The following ICA1 variants were observed in gnomAD, a reference collection of about 807,000 sequenced individuals.
ICA1 encodes islet cell autoantigen 1.
Under a neutral mutation model 71.0 loss-of-function variants are expected in ICA1, and 40 were observed. That is an observed-to-expected ratio of 0.56 (90% CI 0.44 to 0.73). The LOEUF (loss-of-function observed/expected upper bound fraction) is 0.73. Ranked by LOEUF, ICA1 falls within the 30% of genes least tolerant of loss-of-function variation. The pLI is 0.00. For synonymous variants in ICA1, 207 were observed against 209.5 expected (o/e 0.99, Z 0.10); for missense variants, 578 against 576.5 (o/e 1.00, Z -0.03).
At chr7:8,186,120 A>G (rs1168984137) in intron 6 of ICA1, among the ~76,000 whole-genome samples, 1 of 152,226 alleles carries the variant, frequency 6.6e-6, no homozygotes, top group African/African-American at 2.4e-5. Flanking sequence ...AAAAAGGGGA[A>G]GCTTGTGGAT....
rs115018496 is a variant in ICA1, at chr7:8,258,217, C to T, written c.-80+3877G>A. ...CCCTCTTTTACTCAGCTGTACGCTCCTCCAGAGCATGGTGGGGTCTGAGTC... is the reference window on the plus strand; with the variant it reads ...CCCTCTTTTACTCAGCTGTACGCTCTTCCAGAGCATGGTGGGGTCTGAGTC... On this transcript the variant is annotated intron_variant, in intron 1 of 13. Coordinates refer to ENST00000402384, the MANE Select transcript of ICA1 (RefSeq NM_001136020.3). Among the ~76,000 whole-genome samples, 884 of 152,304 alleles carry T rather than the reference C, an allele frequency of 5.8e-3. 10 individuals are homozygous for T. The highest frequency in any genetic ancestry group is 0.02 in the African/African-American group (835 of 41,558).
intron 6 of ICA1, among the ~76,000 whole-genome samples, chr7:8,162,222 A>G (rs1804127439): frequency 6.6e-6 from 1 of 152,188 alleles, no homozygotes; most frequent in Non-Finnish European, 1.5e-5. Context: ...ATGTACCCTA[A>G]TTTCATTTTG....
chr7:8,117,809 GC>G (rs1436035410), intron 13 of ICA1, among the ~76,000 whole-genome samples: 4 of 152,176 alleles, frequency 2.6e-5, no homozygotes, highest in Non-Finnish European at 5.9e-5. Flanking sequence ...GAGCAAGAAT[GC>G]CACTCAGTAT....
At chr7:8,157,280 A>G (rs559510368) in intron 7 of ICA1, 66 bp from the exon 8 acceptor site, 1 of 1,394,838 alleles carries the variant, frequency 7.2e-7, no homozygotes, top group Non-Finnish European at 9.8e-7. Context: ...GTCCCCAGGG[A>G]AGTATGACTC....
In ICA1 at chr7:8,127,381, A is replaced by G. The variant is rs188642726; in HGVS notation, c.1330+492T>C. On this transcript the variant is annotated intron_variant, in intron 13 of 13. Coordinates refer to ENST00000402384, the MANE Select transcript of ICA1 (RefSeq NM_001136020.3). ...GCCCTGTGTTTCGGGCAGAACCAGA[A>G]GAGTGGATCTAGTGGGGGGTCCTCA... Among the ~76,000 whole-genome samples, 165 of 152,254 alleles carry G rather than the reference A, an allele frequency of 1.1e-3. 1 individual carries two copies. Among genetic ancestry groups the G allele is most frequent in the Non-Finnish European group, 1.8e-3 (121 of 68,018 alleles).
Position 8,234,488 on chromosome 7 carries a change from GA to G in ICA1, c.17+1421del. ...ACCCAAAATGTGCCAGGCTTGTGCT[GA>G]AACGTGAGTTTGTTTATATGACTAT... On this transcript the variant is annotated intron_variant, in intron 2 of 13. Transcript: ENST00000402384. This position sits in a 1 kb window ranked among gnomAD's most constrained non-coding sequence, Gnocchi z 4.5. Among the ~76,000 whole-genome samples the G allele has an allele frequency of 7.0e-6, 1 of 143,366 alleles. No homozygotes were observed. The highest frequency in any genetic ancestry group is 2.0e-4 in the East Asian group (1 of 5,106). 94.1% of individuals were successfully genotyped at this position (143,366 alleles called of 152,430 possible). A position where few individuals can be genotyped will look rare whatever the true frequency, so the allele number is the denominator to read the frequency against.
intron 12 of ICA1, 63 bp downstream of exon 12, chr7:8,138,777 A>C (rs1172625415): frequency 4.7e-6 from 6 of 1,283,686 alleles, no homozygotes; most frequent in Non-Finnish European, 6.7e-6. Context: ...ACTTTCTTAC[A>C]TGTAAAAGAG....
intron 6 of ICA1, among the ~76,000 whole-genome samples, chr7:8,169,130 T>C (rs1464065680): frequency 6.6e-6 from 1 of 152,174 alleles, no homozygotes; most frequent in African/African-American, 2.4e-5. Flanking sequence ...TAGTCTTTTT[T>C]TGTGGCTGGA....
chr7:8,190,774 T>C (rs564014828), intron 6 of ICA1, among the ~76,000 whole-genome samples: 1 of 152,348 alleles, frequency 6.6e-6, no homozygotes, highest in African/African-American at 2.4e-5. Context: ...AAACTATTTT[T>C]GGTTTGTGAA....
chr7:8,206,250 A>G (rs1475076366), intron 6 of ICA1, among the ~76,000 whole-genome samples: 1 of 152,022 alleles, frequency 6.6e-6, no homozygotes, highest in Non-Finnish European at 1.5e-5. Context: ...TCCCTCAGGC[A>G]CTAGTTTTGA....
At chr7:8,238,031 A>C (rs377625441) in intron 1 of ICA1, among the ~76,000 whole-genome samples, 91 of 152,316 alleles carry the variant, frequency 6.0e-4, no homozygotes, top group African/African-American at 2.2e-3. Flanking sequence ...GTTTCATAAT[A>C]ATATTGATAA....
intron 6 of ICA1, among the ~76,000 whole-genome samples, chr7:8,185,953 T>C (rs1783776561): frequency 6.6e-6 from 1 of 152,240 alleles, no homozygotes; most frequent in African/African-American, 2.4e-5. Context: ...AGACACAGTT[T>C]CTTTCTTCAA....
At chr7:8,153,371 G>A (rs771453404) in intron 8 of ICA1, among the ~76,000 whole-genome samples, 3 of 152,074 alleles carry the variant, frequency 2.0e-5, no homozygotes, top group South Asian at 2.1e-4. Flanking sequence ...CCACTGCTGC[G>A]AGGGGCCCAA....
intron 4 of ICA1, among the ~76,000 whole-genome samples, chr7:8,225,161 A>G (rs917136840): frequency 6.6e-6 from 1 of 152,182 alleles, no homozygotes; most frequent in Non-Finnish European, 1.5e-5. Flanking sequence ...CTCTTCAGTG[A>G]ATCTCACCTG....
intron 9 of ICA1, 91 bp downstream of exon 9, chr7:8,143,784 C>A: frequency 2.6e-6 from 2 of 770,410 alleles, no homozygotes; most frequent in Non-Finnish European, 4.5e-6. Flanking sequence ...GACAAGTCTG[C>A]GTCTGAGGCC....
chr7:8,123,890 C>T lies in ICA1; in HGVS notation c.1330+3983G>A, dbSNP rs756080462. Among the ~76,000 whole-genome samples the T allele has an allele frequency of 2.6e-5, 4 of 152,160 alleles. No homozygotes were observed. The highest frequency in any genetic ancestry group is 4.8e-5 in the African/African-American group (2 of 41,440). On this transcript the variant is annotated intron_variant, in intron 13 of 13. Coordinates refer to ENST00000402384, the MANE Select transcript of ICA1 (RefSeq NM_001136020.3). The surrounding 1 kb of genome is among the most constrained non-coding windows in gnomAD (Gnocchi z 4.1). ...GCCTGGGCTCAAAATCCGGCCTGCC[C>T]GTTAACAGGAGTGTGATCTTGGGCA...
At chr7:8,230,937 T>C (rs1212014332) in intron 3 of ICA1, among the ~76,000 whole-genome samples, 1 of 152,208 alleles carries the variant, frequency 6.6e-6, no homozygotes, top group Non-Finnish European at 1.5e-5. Flanking sequence ...TGGCTGGGGA[T>C]ACGTCGTGAA....
chr7:8,212,438 G>T (rs980979846), intron 6 of ICA1, among the ~76,000 whole-genome samples: 1 of 152,086 alleles, frequency 6.6e-6, no homozygotes, highest in African/African-American at 2.4e-5. Flanking sequence ...GGTGGCCCGT[G>T]CTTGTAATTC....
intron 10 of ICA1, among the ~76,000 whole-genome samples, chr7:8,139,687 T>A (rs1269086012): frequency 6.6e-6 from 1 of 152,236 alleles, no homozygotes; most frequent in Non-Finnish European, 1.5e-5. Flanking sequence ...GATAATGATG[T>A]CAATGTAGGT....
Sources: allele counts gnomAD v4.1 joint callset (sites outside exome capture counted in the v4.1 genomes callset), GRCh38; gene constraint gnomAD v4.1.1; non-coding constraint Gnocchi (gnomAD v3.1); transcripts MANE v1.5; gene names NCBI Gene and HGNC (gene_info 2026-07-23, HGNC 2026-07-21).